Variants in STARD3NL observed in about 807,000 individuals in gnomAD.
The protein encoded by STARD3NL is STARD3 N-terminal like, also known as STARD3 N-terminal-like protein.
A neutral mutation model predicts 30.9 loss-of-function variants in STARD3NL; 17 were observed. That is an observed-to-expected ratio of 0.55 (90% CI 0.38 to 0.82). The LOEUF (loss-of-function observed/expected upper bound fraction) is 0.82, where lower values mean the gene tolerates loss of function less well. Among genes scored for constraint, STARD3NL ranks in the 40% least tolerant of loss-of-function variants. The pLI is 0.00. For synonymous variants in STARD3NL, 112 were observed against 100.5 expected (o/e 1.11, Z -0.69); for missense variants, 234 against 277.6 (o/e 0.84, Z 1.12).
At chr7:38,197,133 C>CTTTT (rs201707451) in intron 1 of STARD3NL, among the ~76,000 whole-genome samples, 1 of 92,550 alleles carries the variant, frequency 1.1e-5, no homozygotes, top group African/African-American at 3.8e-5. Context: ...ATAGCATTAC[C>CTTTT]TTTTTTCTTT....
chr7:38,202,375 G>A (rs1336270743), intron 1 of STARD3NL, among the ~76,000 whole-genome samples: 1 of 152,176 alleles, frequency 6.6e-6, no homozygotes, highest in East Asian at 1.9e-4. Flanking sequence ...AAAGGGAAAG[G>A]CTGCTTAGGG....
In STARD3NL at chr7:38,228,816, G is replaced by T; in HGVS notation, c.667G>T (p.Glu223Ter). The T allele has an allele frequency of 6.2e-7, 1 of 1,612,660 alleles. No individual in the cohort carries two copies. The highest frequency in any genetic ancestry group is 1.1e-5 in the South Asian group (1 of 90,940). The change falls in exon 8 of 9, where the codon GAA becomes TAA. Residue 223 changes from glutamate (E) to a stop codon, truncating the protein, a stop_gained. Transcript: ENST00000009041. LOFTEE classifies it high-confidence loss of function. ...ESEAGSEEAE[E>*]KQDSEKPLLE... ...CCACGTAGGATCTGAAGAAGCTGAA[G>T]AAAAACAGGACAGTGAGAAACCACT... is the stretch of plus-strand genomic sequence containing the variant.
At chr7:38,197,016 G>A (rs779628355) in intron 1 of STARD3NL, among the ~76,000 whole-genome samples, 18 of 152,106 alleles carry the variant, frequency 1.2e-4, no homozygotes, top group Admixed American at 2.0e-4. Flanking sequence ...GTAGAGCTTC[G>A]TGGTGAAGCT....
chr7:38,190,853 T>C (rs1337319022), intron 1 of STARD3NL, among the ~76,000 whole-genome samples: 2 of 152,180 alleles, frequency 1.3e-5, no homozygotes, highest in Non-Finnish European at 2.9e-5. Context: ...ATGTCCCATA[T>C]ACTGTTTATT....
At chr7:38,179,940 A>G (rs1348210287) in intron 1 of STARD3NL, among the ~76,000 whole-genome samples, 1 of 152,246 alleles carries the variant, frequency 6.6e-6, no homozygotes, top group Non-Finnish European at 1.5e-5. Context: ...GGCATGTTCC[A>G]GGGACAGAGG....
At chr7:38,187,440 T>C (rs1389932173) in intron 1 of STARD3NL, among the ~76,000 whole-genome samples, 1 of 152,186 alleles carries the variant, frequency 6.6e-6, no homozygotes, top group African/African-American at 2.4e-5. Context: ...ATATCTTCCC[T>C]ATTGACTAGA....
At chr7:38,186,739 A>G (rs1325044379) in intron 1 of STARD3NL, among the ~76,000 whole-genome samples, 1 of 152,234 alleles carries the variant, frequency 6.6e-6, no homozygotes, top group Non-Finnish European at 1.5e-5. Flanking sequence ...CTAGGTGTAC[A>G]GTGGGCTCTA....
At chr7:38,197,351 G>A (rs113943508) in intron 1 of STARD3NL, among the ~76,000 whole-genome samples, 1 of 151,248 alleles carries the variant, frequency 6.6e-6, no homozygotes, top group Non-Finnish European at 1.5e-5. Context: ...TCAGCCTCCC[G>A]AGTAGCTAAG....
intron 2 of STARD3NL, among the ~76,000 whole-genome samples, chr7:38,210,795 C>CA (rs909424488): frequency 2.0e-5 from 3 of 151,882 alleles, no homozygotes; most frequent in Admixed American, 6.6e-5. Flanking sequence ...GACTATGGTT[C>CA]AAAAAAAGCC....
chr7:38,207,370 T>G (rs552237110), intron 1 of STARD3NL, 77 bp from the exon 2 acceptor site: 2 of 657,862 alleles, frequency 3.0e-6, no homozygotes, highest in South Asian at 2.0e-5. Flanking sequence ...GAGAAATAGT[T>G]GCACAGTGGA....
intron 1 of STARD3NL, among the ~76,000 whole-genome samples, chr7:38,204,675 C>CA (rs1310082269): frequency 6.6e-6 from 1 of 151,982 alleles, no homozygotes; most frequent in African/African-American, 2.4e-5. Context: ...AAAAACCCTT[C>CA]AAAAAATCAA....
At chr7:38,229,036 A>AT (rs970728142) in intron 8 of STARD3NL, among the ~76,000 whole-genome samples, 165 bp downstream of exon 8, 1 of 152,264 alleles carries the variant, frequency 6.6e-6, no homozygotes, top group African/African-American at 2.4e-5. Flanking sequence ...GTGTCTTAAC[A>AT]TTTTTTATAC....
intron 1 of STARD3NL, among the ~76,000 whole-genome samples, chr7:38,195,958 A>G (rs895848251): frequency 6.6e-6 from 1 of 152,138 alleles, no homozygotes. Flanking sequence ...CTCCTTGTTA[A>G]CTGAGAAACC....
At chr7:38,181,835 T>G (rs1023727785) in intron 1 of STARD3NL, among the ~76,000 whole-genome samples, 3 of 152,140 alleles carry the variant, frequency 2.0e-5, no homozygotes, top group African/African-American at 7.2e-5. Context: ...TGCCCCAAAT[T>G]GGACTCCTGG....
rs1048727598 is a variant in STARD3NL, at chr7:38,207,463, G to A, written c.-42G>A. ...TTCCCAAAGGTGTCTTCTCTTTAGG[G>A]ATGGTGAGGTTGGAAAAAGGCTCCT... On this transcript the variant is annotated 5_prime_UTR_variant, in exon 2 of 9. Transcript: ENST00000009041. 3.2e-6 allele frequency: 5 copies of A among 1,558,346 alleles called. No individual in the cohort carries two copies. The South Asian group carries it at 4.5e-5, about 14-fold the overall frequency.
rs1338934416 is a variant in STARD3NL at position 38,230,029 on chromosome 7, A to G, written c.*124A>G. 6.6e-6 allele frequency: 1 copy of G among 152,640 alleles called. No homozygotes were observed. The highest frequency in any genetic ancestry group is 6.5e-5 in the Admixed American group (1 of 15,278). 9.5% of individuals were successfully genotyped at this position (152,640 alleles called of 1,614,324 possible). The stretch of plus-strand genomic sequence containing the variant: ...GTGACGTCCACTGCTGGCTTTATTG[A>G]ACAGCTAATAAAGATTTATTTATTG... On this transcript the variant is annotated 3_prime_UTR_variant, in exon 9 of 9. Transcript: ENST00000009041.
chr7:38,200,078 A>G (rs575042907), intron 1 of STARD3NL, among the ~76,000 whole-genome samples: 1 of 152,320 alleles, frequency 6.6e-6, no homozygotes, highest in East Asian at 1.9e-4. Flanking sequence ...ATGCCATCCC[A>G]GAAATGTGTA....
In STARD3NL at chr7:38,207,447, G is replaced by A; in HGVS notation, c.-58G>A. The A allele has an allele frequency of 7.0e-7, 1 of 1,431,710 alleles. No individual in the cohort carries two copies. Among genetic ancestry groups the A allele is most frequent in the East Asian group, 2.3e-5 (1 of 43,184 alleles). 88.7% of individuals were successfully genotyped at this position (1,431,710 alleles called of 1,614,324 possible). A position where few individuals can be genotyped will look rare whatever the true frequency, so the allele number is the denominator to read the frequency against. The stretch of plus-strand genomic sequence containing the variant: ...GGTGTCTCTTTTTTATTTCCCAAAG[G>A]TGTCTTCTCTTTAGGGATGGTGAGG... On this transcript the variant is annotated splice_region_variant and 5_prime_UTR_variant, in exon 2 of 9. In the 5' UTR this introduces an upstream ATG that the reference lacks. Coordinates refer to ENST00000009041, the MANE Select transcript of STARD3NL (RefSeq NM_032016.4).
intron 4 of STARD3NL, chr7:38,216,538 T>C (rs1334850271): frequency 6.3e-6 from 1 of 158,018 alleles, no homozygotes; most frequent in Non-Finnish European, 1.4e-5. Flanking sequence ...GCAAGATACT[T>C]GGTGTTCCCT....
Sources: gnomAD v4.1 joint callset for allele counts (sites outside exome capture counted in the v4.1 genomes callset) on GRCh38, gnomAD v4.1.1 for gene constraint, MANE v1.5 for transcripts, NCBI Gene and HGNC (gene_info 2026-07-23, HGNC 2026-07-21) for gene names.